Variants in PPIP5K2 observed in about 807,000 individuals in gnomAD.
PPIP5K2 encodes the protein diphosphoinositol pentakisphosphate kinase 2, also known as inositol hexakisphosphate and diphosphoinositol-pentakisphosphate kinase 2.
PPIP5K2 carries 105 observed loss-of-function variants against 154.6 expected under a neutral mutation model. That is an observed-to-expected ratio of 0.68 (90% confidence interval 0.58 to 0.80). The LOEUF (loss-of-function observed/expected upper bound fraction) is 0.80, where lower values mean the gene tolerates loss of function less well. Ranked by LOEUF, PPIP5K2 falls within the 30% of genes least tolerant of loss-of-function variation. The pLI, the probability that PPIP5K2 is intolerant of heterozygous loss-of-function variation, is 0.00. For missense variants in PPIP5K2, 992 were observed against 1,504.6 expected, an observed-to-expected ratio of 0.66 and a Z score of 5.64; for synonymous variants, 480 against 490.3, an observed-to-expected ratio of 0.98 and a Z score of 0.28.
rs1177554018 is a variant in PPIP5K2 at position 103,157,543 on chromosome 5, C to T, written c.1490-645C>T. ...CCTTAATCCCAGCACTTTAGGAGGC[C>T]GAGGTGGGTGGATCACCTGAGGTCA... On this transcript the variant is annotated intron_variant, in intron 14 of 30. Transcript: ENST00000358359. Among the ~76,000 whole-genome samples the T allele has an allele frequency of 3.3e-5, 5 of 151,896 alleles. No homozygotes were observed. The East Asian group carries it at 9.7e-4, about 29-fold the overall frequency.
Position 103,168,215 on chromosome 5 carries a change from C to T in PPIP5K2, c.2206C>T (p.His736Tyr). The T allele has an allele frequency of 1.9e-6, 3 of 1,609,584 alleles. No homozygotes were observed. The highest frequency in any genetic ancestry group is 2.5e-6 in the Non-Finnish European group (3 of 1,176,722). Residue 736 changes from histidine (H) to tyrosine (Y), a missense_variant, in exon 19 of 31, where the codon CAT becomes TAT. Transcript: ENST00000358359. ...IYDCIKYDVQ[H>Y]NGSLKLENTM... is the part of the protein sequence containing the mutation. Reference sequence around the variant, plus strand: ...TGACTGTATAAAATATGATGTCCAGCATAATGGTTCCTTGAAATTAGAAAA... The same window carrying T: ...TGACTGTATAAAATATGATGTCCAGTATAATGGTTCCTTGAAATTAGAAAA...
intron 7 of PPIP5K2, 43 bp from the exon 8 acceptor site, chr5:103,149,109 C>CAT: frequency 7.1e-7 from 1 of 1,414,552 alleles, no homozygotes; most frequent in Non-Finnish European, 9.6e-7. Flanking sequence ...CACACACACA[C>CAT]ATACATATAT....
chr5:103,206,474 A>C lies in PPIP5K2; in HGVS notation c.*4840A>C, dbSNP rs1803520559. The C allele has an allele frequency of 6.6e-6, 1 of 152,154 alleles. No individual in the cohort carries two copies. The highest frequency in any genetic ancestry group is 6.5e-5 in the Admixed American group (1 of 15,272). 9.4% of individuals were successfully genotyped at this position (152,154 alleles called of 1,614,324 possible). A position where few individuals can be genotyped will look rare whatever the true frequency, so the allele number is the denominator to read the frequency against. The stretch of plus-strand genomic sequence containing the variant: ...CTAGATAAATAGAATACTCCAGGAG[A>C]TTCCCATGACCTTACTGACCCTAGA... On this transcript the variant is annotated 3_prime_UTR_variant, in exon 31 of 31. Coordinates refer to ENST00000358359, the MANE Select transcript of PPIP5K2 (RefSeq NM_001276277.3).
chr5:103,133,467 G>T lies in PPIP5K2; in HGVS notation c.129G>T (p.Gln43His). 1 of 1,604,344 alleles carries T rather than the reference G, an allele frequency of 6.2e-7. No individual in the cohort carries two copies. Among genetic ancestry groups the T allele is most frequent in the Non-Finnish European group, 8.5e-7 (1 of 1,177,912 alleles). Reference protein sequence around the residue: ...EEEDDSPPERQIVVGICSMAK... With the variant: ...EEEDDSPPERHIVVGICSMAK... ...TTTTGTTTTAGCCACCAGAAAGGCA[G>T]ATTGTGGTTGGAATATGTTCCATGG... is the stretch of plus-strand genomic sequence containing the variant. The change falls in exon 3 of 31, where the codon CAG becomes CAT. Residue 43 changes from glutamine to histidine, a missense_variant. This residue lies in a region of PPIP5K2 where 153 missense variants were observed against 200.4 expected (regional missense o/e 0.76). Transcript: ENST00000358359.
At chr5:103,175,043 T>A (rs1183280192) in intron 21 of PPIP5K2, among the ~76,000 whole-genome samples, 2 of 152,120 alleles carry the variant, frequency 1.3e-5, no homozygotes, top group African/African-American at 4.8e-5. Context: ...AGCCAAAAGA[T>A]AAGAATGTTC....
At chr5:103,143,959 T>G (rs1426923842) in intron 5 of PPIP5K2, among the ~76,000 whole-genome samples, 1 of 151,970 alleles carries the variant, frequency 6.6e-6, no homozygotes, top group Non-Finnish European at 1.5e-5. Context: ...GAGAAAGAAA[T>G]AAAGGGCATC....
Position 103,202,223 on chromosome 5 carries a change from A to G in PPIP5K2, c.*589A>G, listed in dbSNP as rs1384565673. ...TGAATTTTTTTATTGTGTGTTATTTAAAATATTACATATGCAGCTGGGAGA... is the reference window on the plus strand; with the variant it reads ...TGAATTTTTTTATTGTGTGTTATTTGAAATATTACATATGCAGCTGGGAGA... On this transcript the variant is annotated 3_prime_UTR_variant, in exon 31 of 31. Transcript: ENST00000358359. 2 of 152,324 alleles carry G rather than the reference A, an allele frequency of 1.3e-5. No individual in the cohort carries two copies. 9.4% of individuals were successfully genotyped at this position (152,324 alleles called of 1,614,324 possible).
rs180766975 is a variant in PPIP5K2 at position 103,208,211 on chromosome 5, C to G, written c.*6577C>G. The G allele has an allele frequency of 6.6e-6, 1 of 152,450 alleles. No homozygotes were observed. Among genetic ancestry groups the G allele is most frequent in the Admixed American group, 6.5e-5 (1 of 15,290 alleles). 9.4% of individuals were successfully genotyped at this position (152,450 alleles called of 1,614,324 possible). On this transcript the variant is annotated 3_prime_UTR_variant, in exon 31 of 31. Transcript: ENST00000358359. ...TTTCAAATGATTCTCCTCCCTCAGCCTCCAGAGTAGCTGGGATTACAGGCG... is the reference window on the plus strand; with the variant it reads ...TTTCAAATGATTCTCCTCCCTCAGCGTCCAGAGTAGCTGGGATTACAGGCG...
At chr5:103,141,736 G>A (rs536707450) in intron 5 of PPIP5K2, among the ~76,000 whole-genome samples, 1 of 152,140 alleles carries the variant, frequency 6.6e-6, no homozygotes, top group African/African-American at 2.4e-5. Context: ...GGTGCTGATT[G>A]GTGTGTTTAC....
Position 103,170,799 on chromosome 5 carries a change from T to G in PPIP5K2, c.2287-2356T>G, listed in dbSNP as rs1248290830. Among the ~76,000 whole-genome samples, 5 of 151,648 alleles carry G rather than the reference T, an allele frequency of 3.3e-5. No homozygotes were observed. The East Asian group carries it at 9.7e-4, about 29-fold the overall frequency. ...TATAACTAACAATTATAAACATATT[T>G]GCAGTAATTTATAATGAAAATGTGG... On this transcript the variant is annotated intron_variant, in intron 19 of 30. Transcript: ENST00000358359.
chr5:103,180,304 T>G (rs1185504612), intron 24 of PPIP5K2, 116 bp downstream of exon 24: 3 of 772,532 alleles, frequency 3.9e-6, no homozygotes, highest in Non-Finnish European at 5.5e-6. Flanking sequence ...AATTTTTAAA[T>G]GTTATTTAAT....
intron 24 of PPIP5K2, among the ~76,000 whole-genome samples, chr5:103,180,471 G>C (rs1309250260): frequency 2.6e-5 from 4 of 151,048 alleles, no homozygotes; most frequent in African/African-American, 7.3e-5. Flanking sequence ...TTTTTGTCTT[G>C]TTACATTAGG....
chr5:103,142,665 A>G (rs552484031), intron 5 of PPIP5K2, among the ~76,000 whole-genome samples: 1 of 151,924 alleles, frequency 6.6e-6, no homozygotes, highest in Non-Finnish European at 1.5e-5. Flanking sequence ...AGTCCCAGCT[A>G]CTCGGGAGGC....
At position 103,201,822 on chromosome 5, in the gene PPIP5K2, A is replaced by T; in HGVS notation, c.*188A>T. On this transcript the variant is annotated 3_prime_UTR_variant, in exon 31 of 31. Coordinates refer to ENST00000358359, the MANE Select transcript of PPIP5K2 (RefSeq NM_001276277.3). ...CAATGTTTGTTAGCATTCTGTGAGC[A>T]GCAAAACTTATAGTGATAAAAATCG... The T allele has an allele frequency of 1.8e-6, 1 of 545,342 alleles. No individual in the cohort carries two copies. The highest frequency in any genetic ancestry group is 3.3e-6 in the Non-Finnish European group (1 of 306,148). 33.8% of individuals were successfully genotyped at this position (545,342 alleles called of 1,614,324 possible). A position where few individuals can be genotyped will look rare whatever the true frequency, so the allele number is the denominator to read the frequency against.
chr5:103,133,063 T>TA lies in PPIP5K2; in HGVS notation c.115-389dup, dbSNP rs550463679. Among the ~76,000 whole-genome samples, 4 of 152,246 alleles carry TA rather than the reference T, an allele frequency of 2.6e-5. No homozygotes were observed. In the South Asian group the frequency reaches 8.3e-4, roughly 31 times the overall value. On this transcript the variant is annotated intron_variant, in intron 2 of 30. Coordinates refer to ENST00000358359, the MANE Select transcript of PPIP5K2 (RefSeq NM_001276277.3). ...TAGCTTTGTAGTCAGGACTATGTCTTACTTTAGGCAAGAGAATTCTTTATC... is the reference window on the plus strand; with the variant it reads ...TAGCTTTGTAGTCAGGACTATGTCTTAACTTTAGGCAAGAGAATTCTTTATC...
chr5:103,169,379 GAA>G (rs1406153286), intron 19 of PPIP5K2, among the ~76,000 whole-genome samples: 1 of 146,246 alleles, frequency 6.8e-6, no homozygotes, highest in Non-Finnish European at 1.5e-5. Flanking sequence ...TAAAGATTAT[GAA>G]AAAAAAGTTC....
intron 1 of PPIP5K2, among the ~76,000 whole-genome samples, chr5:103,123,198 T>A (rs1453421485): frequency 6.6e-6 from 1 of 152,262 alleles, no homozygotes; most frequent in Non-Finnish European, 1.5e-5. Context: ...TGCTATTTGC[T>A]GTGGCATCTG....
intron 30 of PPIP5K2, among the ~76,000 whole-genome samples, chr5:103,200,142 C>T (rs1374066763): frequency 1.3e-5 from 2 of 152,078 alleles, no homozygotes; most frequent in African/African-American, 2.4e-5. Flanking sequence ...TATGGTGTTC[C>T]GTGAAGTGGC....
intron 6 of PPIP5K2, 145 bp from the exon 7 acceptor site, chr5:103,147,785 AG>A: frequency 1.7e-6 from 1 of 577,494 alleles, no homozygotes; most frequent in Non-Finnish European, 3.1e-6. Context: ...GTATATAGTA[AG>A]TTTTGTTAAA....
Sources: gnomAD v4.1 joint callset for allele counts (sites outside exome capture counted in the v4.1 genomes callset) on GRCh38, gnomAD v4.1.1 for gene constraint, gnomAD v4.1.1 regional missense constraint, MANE v1.5 for transcripts, NCBI Gene and HGNC (gene_info 2026-07-23, HGNC 2026-07-21) for gene names.